The following ARHGEF11 variants were observed in gnomAD, a reference collection of about 807,000 sequenced individuals.
ARHGEF11 encodes Rho guanine nucleotide exchange factor 11.
A neutral mutation model predicts 193.7 loss-of-function variants in ARHGEF11; 55 were observed. That is an observed-to-expected ratio of 0.28 (90% CI 0.23 to 0.36). The LOEUF is 0.36. Among genes scored for constraint, ARHGEF11 ranks in the 10% least tolerant of loss-of-function variants. ARHGEF11 has a pLI of 1.00. For missense variants in ARHGEF11, 1,723 were observed against 2,005.6 expected, an observed-to-expected ratio of 0.86 and a Z score of 2.69; for synonymous variants, 693 against 768.0, an observed-to-expected ratio of 0.90 and a Z score of 1.62.
At chr1:157,037,125 T>C (rs1471461701) in intron 1 of ARHGEF11, among the ~76,000 whole-genome samples, 1 of 152,044 alleles carries the variant, frequency 6.6e-6, no homozygotes, top group Non-Finnish European at 1.5e-5. Context: ...CAAAACTCTG[T>C]CTCAAAATAA....
chr1:157,020,137 AAAG>A (rs1237713337), intron 1 of ARHGEF11, among the ~76,000 whole-genome samples: 56 of 151,796 alleles, frequency 3.7e-4, no homozygotes, highest in East Asian at 1.5e-3. Flanking sequence ...AAAAAAAAAA[AAAG>A]AAGAAGAGAG....
intron 40 of ARHGEF11, among the ~76,000 whole-genome samples, 159 bp downstream of exon 40, chr1:156,936,657 T>A (rs151003739): frequency 1.3e-5 from 2 of 151,690 alleles, no homozygotes; most frequent in Non-Finnish European, 2.9e-5. Flanking sequence ...GGGACTTCCC[T>A]AAAAAGATCC....
chr1:156,963,702 G>A (rs572014027), intron 11 of ARHGEF11, 108 bp from the exon 12 acceptor site: 89 of 1,511,556 alleles, frequency 5.9e-5, no homozygotes, highest in Non-Finnish European at 7.2e-5. Flanking sequence ...AAAGCCACCC[G>A]GGTCTGGTGA....
At chr1:157,017,911 A>T (rs1669478520) in intron 1 of ARHGEF11, among the ~76,000 whole-genome samples, 1 of 152,178 alleles carries the variant, frequency 6.6e-6, no homozygotes, top group Non-Finnish European at 1.5e-5. Flanking sequence ...TTTCCAGACA[A>T]CATGACTTAG....
intron 40 of ARHGEF11, among the ~76,000 whole-genome samples, chr1:156,936,527 A>ATATAT (rs1655360359): frequency 4.0e-5 from 4 of 100,824 alleles, no homozygotes; most frequent in Non-Finnish European, 6.0e-5. Context: ...TATATATATA[A>ATATAT]AATTAAAAAA....
At chr1:156,958,987 C>T in intron 16 of ARHGEF11, 59 bp downstream of exon 16, 1 of 1,610,852 alleles carries the variant, frequency 6.2e-7, no homozygotes, top group East Asian at 2.2e-5. Context: ...GGGAAGGAGC[C>T]AGGGCCAAGA....
chr1:156,939,861 G>A lies in ARHGEF11; in HGVS notation c.3783C>T (p.Thr1261=). The change falls in exon 37 of 41, where the codon ACC becomes ACT. Residue 1261 remains threonine (T), a synonymous_variant. Transcript: ENST00000368194. The part of the protein sequence containing the change: ...LILWSLLPGH[T]METQAAQEPE... ...GCTCCTGGGCAGCCTGAGTTTCCAT[G>A]GTGTGACCTGGCAGCAGGCTCCACA... The A allele has an allele frequency of 1.9e-6, 3 of 1,610,922 alleles. No individual in the cohort carries two copies. The highest frequency in any genetic ancestry group is 2.5e-6 in the Non-Finnish European group (3 of 1,179,898).
Position 157,013,259 on chromosome 1 carries a change from T to TCTCACACACACACACACACACACACA in ARHGEF11, c.33-27087_33-27086insTGTGTGTGTGTGTGTGTGTGTGTGAG, listed in dbSNP as rs1553228459. On this transcript the variant is annotated intron_variant, in intron 1 of 40. Coordinates refer to ENST00000368194, the MANE Select transcript of ARHGEF11 (RefSeq NM_198236.3). ...CCCAACTGCTCATAACTCCCCACTATCACTCACACACACACACACACACAC... is the reference window on the plus strand; with the variant it reads ...CCCAACTGCTCATAACTCCCCACTATCTCACACACACACACACACACACACACACTCACACACACACACACACACAC... 2.6e-3 allele frequency among the ~76,000 whole-genome samples: 288 copies of TCTCACACACACACACACACACACACA among 109,552 alleles called. 6 individuals are homozygous for TCTCACACACACACACACACACACACA. The highest frequency in any genetic ancestry group is 5.9e-3 in the African/African-American group (169 of 28,476). 71.9% of individuals were successfully genotyped at this position (109,552 alleles called of 152,430 possible).
intron 20 of ARHGEF11, among the ~76,000 whole-genome samples, chr1:156,955,195 C>G (rs547822641): frequency 8.5e-5 from 13 of 152,226 alleles, no homozygotes; most frequent in Non-Finnish European, 2.9e-5. Context: ...AAATGACACA[C>G]GCTGGGAAGA....
At chr1:156,969,389 A>G (rs1431616150) in intron 9 of ARHGEF11, 31 bp from the exon 10 acceptor site, 41 of 1,570,778 alleles carry the variant, frequency 2.6e-5, no homozygotes, top group Non-Finnish European at 3.6e-5. Context: ...ATAACACAGA[A>G]GGAGCTGTGG....
chr1:156,946,623 T>C (rs1013911883), intron 28 of ARHGEF11, 39 bp downstream of exon 28: 4 of 1,612,898 alleles, frequency 2.5e-6, no homozygotes, highest in Non-Finnish European at 3.4e-6. Context: ...GTGACCTTGA[T>C]GGAGATGAAG....
chr1:157,013,861 G>A (rs1320557889), intron 1 of ARHGEF11, among the ~76,000 whole-genome samples: 4 of 151,934 alleles, frequency 2.6e-5, no homozygotes, highest in African/African-American at 7.3e-5. Context: ...CTTCCTTTTC[G>A]CCTGAATTCC....
intron 1 of ARHGEF11, among the ~76,000 whole-genome samples, chr1:156,988,560 G>A (rs1047693877): frequency 2.0e-5 from 3 of 152,188 alleles, no homozygotes; most frequent in Non-Finnish European, 4.4e-5. Context: ...AAGCCTAGAA[G>A]GTGCATCTGA....
At chr1:156,992,596 T>C (rs1163118756) in intron 1 of ARHGEF11, among the ~76,000 whole-genome samples, 2 of 125,770 alleles carry the variant, frequency 1.6e-5, no homozygotes, top group Non-Finnish European at 3.3e-5. Context: ...TGTGAATGTG[T>C]ATATATATGT....
intron 1 of ARHGEF11, among the ~76,000 whole-genome samples, chr1:157,026,874 A>G (rs551271332): frequency 1.4e-4 from 21 of 152,348 alleles, no homozygotes; most frequent in African/African-American, 4.8e-4. Context: ...CCTAGATGTG[A>G]TAACATGTGA....
chr1:156,990,991 G>T (rs1377309971), intron 1 of ARHGEF11, among the ~76,000 whole-genome samples: 7 of 152,154 alleles, frequency 4.6e-5, no homozygotes, highest in Non-Finnish European at 1.0e-4. Context: ...GACAGAGTTA[G>T]AAAAATTTAT....
At chr1:156,983,514 A>G (rs1664502409) in intron 3 of ARHGEF11, among the ~76,000 whole-genome samples, 1 of 152,186 alleles carries the variant, frequency 6.6e-6, no homozygotes, top group Non-Finnish European at 1.5e-5. Context: ...GAGCCACCAC[A>G]GCTGGCCACC....
intron 11 of ARHGEF11, among the ~76,000 whole-genome samples, chr1:156,964,920 T>G (rs1557871620): frequency 6.6e-6 from 1 of 152,224 alleles, no homozygotes; most frequent in South Asian, 2.1e-4. Flanking sequence ...GGGAGGATTT[T>G]TTTTAAAGTC....
chr1:156,952,580 C>G (rs897734906), intron 21 of ARHGEF11, among the ~76,000 whole-genome samples: 1 of 152,214 alleles, frequency 6.6e-6, no homozygotes, highest in Non-Finnish European at 1.5e-5. Context: ...GGTCTGGGCC[C>G]TGATCCTACT....
Sources: gnomAD v4.1 joint callset for allele counts (sites outside exome capture counted in the v4.1 genomes callset) on GRCh38, gnomAD v4.1.1 for gene constraint, MANE v1.5 for transcripts, NCBI Gene and HGNC (gene_info 2026-07-23, HGNC 2026-07-21) for gene names.